AVEN: variants seen among roughly 807,000 people sequenced by gnomAD.
AVEN encodes the protein cell death regulator Aven.
A neutral mutation model predicts 38.1 loss-of-function variants in AVEN; 41 were observed. The observed-to-expected ratio is 1.08, with a 90% CI of 0.84 to 1.40. The LOEUF (loss-of-function observed/expected upper bound fraction) is 1.40, where lower values mean the gene tolerates loss of function less well. Among genes scored for constraint, AVEN ranks in the 40% most tolerant of loss-of-function variants. The probability of loss-of-function intolerance (pLI) is 0.00; values close to 1 mark genes in which losing one functional copy is unlikely to be tolerated. For missense variants in AVEN, 605 were observed against 438.8 expected, an observed-to-expected ratio of 1.38 and a Z score of -3.38; for synonymous variants, 206 against 171.8, an observed-to-expected ratio of 1.20 and a Z score of -1.56.
At chr15:33,940,757 G>T (rs1371465849) in intron 2 of AVEN, among the ~76,000 whole-genome samples, 1 of 152,088 alleles carries the variant, frequency 6.6e-6, no homozygotes, top group Non-Finnish European at 1.5e-5. Context: ...GGCCAGGCTG[G>T]TCTCAAACTC....
At chr15:33,975,590 T>A (rs970402094) in intron 2 of AVEN, among the ~76,000 whole-genome samples, 1 of 152,212 alleles carries the variant, frequency 6.6e-6, no homozygotes, top group Non-Finnish European at 1.5e-5. Context: ...GAATTTGTCA[T>A]AATAGAACTC....
intron 1 of AVEN, among the ~76,000 whole-genome samples, chr15:34,021,686 C>T (rs1354847075): frequency 6.6e-6 from 1 of 151,960 alleles, no homozygotes; most frequent in East Asian, 1.9e-4. Context: ...GAAACCCCGT[C>T]TCTACTAAAA....
intron 2 of AVEN, among the ~76,000 whole-genome samples, chr15:33,998,494 T>G (rs1006782001): frequency 1.3e-5 from 2 of 152,078 alleles, no homozygotes. Context: ...AATTAAAAAG[T>G]CTTGACTCAC....
At chr15:33,911,929 T>C (rs2153045577) in intron 2 of AVEN, among the ~76,000 whole-genome samples, 1 of 152,294 alleles carries the variant, frequency 6.6e-6, no homozygotes, top group South Asian at 2.1e-4. Context: ...CAGTTCACTA[T>C]TTTTATGTTG....
intron 2 of AVEN, among the ~76,000 whole-genome samples, chr15:33,908,248 A>ATTCTCTCTCACCCCGAACCCT (rs1597218959): frequency 0.07 from 2,867 of 40,738 alleles, 866 homozygotes; most frequent in Middle Eastern, 0.14. Flanking sequence ...ACACATAACC[A>ATTCTCTCTCACCCCGAACCCT]GGATTCTTTT....
chr15:33,953,169 C>A (rs1894817613), intron 2 of AVEN, among the ~76,000 whole-genome samples: 1 of 152,130 alleles, frequency 6.6e-6, no homozygotes, highest in Non-Finnish European at 1.5e-5. Flanking sequence ...ATTCCATGCT[C>A]ATGGATAGGA....
At chr15:33,994,791 A>G (rs1457455649) in intron 2 of AVEN, among the ~76,000 whole-genome samples, 2 of 152,190 alleles carry the variant, frequency 1.3e-5, no homozygotes, top group Non-Finnish European at 2.9e-5. Context: ...TTGAAGTTCT[A>G]TATTCTCTAC....
At chr15:34,002,913 A>T in intron 2 of AVEN, 119 bp downstream of exon 2, 1 of 995,288 alleles carries the variant, frequency 1.0e-6, no homozygotes, top group Non-Finnish European at 1.4e-6. Context: ...TACTTGAATT[A>T]AAAATCCAAA....
intron 5 of AVEN, among the ~76,000 whole-genome samples, chr15:34,054,183 T>C (rs577616236): frequency 1.1e-4 from 16 of 152,252 alleles, no homozygotes; most frequent in African/African-American, 3.6e-4. Flanking sequence ...AAACAACAGA[T>C]GCTGGCAAGG....
chr15:33,871,788 A>AAAAAAAAAAAAAAAAAAAC (rs1890965489), intron 3 of AVEN, among the ~76,000 whole-genome samples: 1 of 151,924 alleles, frequency 6.6e-6, no homozygotes, highest in Non-Finnish European at 1.5e-5. Context: ...AAAAAAAAAA[A>AAAAAAAAAAAAAAAAAAAC]AAAGCCACTT....
intron 4 of AVEN, among the ~76,000 whole-genome samples, chr15:33,869,893 C>A (rs942236492): frequency 3.3e-5 from 5 of 151,800 alleles, no homozygotes; most frequent in Admixed American, 6.6e-5. Flanking sequence ...GGGCCTCCCC[C>A]TCTCTTAGTT....
intron 2 of AVEN, among the ~76,000 whole-genome samples, chr15:34,068,959 C>T (rs1251851583): frequency 6.6e-6 from 1 of 151,886 alleles, no homozygotes; most frequent in Non-Finnish European, 1.5e-5. Context: ...CTACAGGCGC[C>T]TGCCACCACG....
chr15:34,000,231 C>A (rs1246210259), intron 2 of AVEN, among the ~76,000 whole-genome samples: 1 of 152,204 alleles, frequency 6.6e-6, no homozygotes, highest in East Asian at 1.9e-4. Flanking sequence ...TAGCATTTAA[C>A]ATTTTATATA....
chr15:34,007,405 T>G (rs1214473541), intron 1 of AVEN, among the ~76,000 whole-genome samples: 1 of 152,220 alleles, frequency 6.6e-6, no homozygotes, highest in Non-Finnish European at 1.5e-5. Flanking sequence ...ATTAGAACTG[T>G]ACAGAACATA....
chr15:33,974,409 T>A (rs2140504682), intron 2 of AVEN, among the ~76,000 whole-genome samples: 1 of 152,356 alleles, frequency 6.6e-6, no homozygotes, highest in Middle Eastern at 3.4e-3. Context: ...CCAAGTCATC[T>A]CTTCTCCTTA....
chr15:33,928,193 C>A (rs1893702844), intron 2 of AVEN, among the ~76,000 whole-genome samples: 1 of 152,172 alleles, frequency 6.6e-6, no homozygotes, highest in African/African-American at 2.4e-5. Flanking sequence ...AAGAATGTTA[C>A]ATAAAACTCA....
chr15:33,867,860 AAG>A lies in AVEN; in HGVS notation c.613-7_613-6del. ...AACCTCTAAAGGAACTGTACCCTGA[AAG>A]AGAAGTATAAAAACTGAGTTAAAAA... On this transcript the variant is annotated splice_region_variant and splice_polypyrimidine_tract_variant and intron_variant, in intron 4 of 5. Coordinates refer to ENST00000306730, the MANE Select transcript of AVEN (RefSeq NM_020371.3). The A allele has an allele frequency of 6.4e-7, 1 of 1,556,602 alleles. No individual in the cohort carries two copies. Among genetic ancestry groups the A allele is most frequent in the Non-Finnish European group, 8.6e-7 (1 of 1,157,198 alleles).
chr15:34,007,517 T>G (rs1264059589), intron 1 of AVEN, among the ~76,000 whole-genome samples: 3 of 152,196 alleles, frequency 2.0e-5, no homozygotes, highest in African/African-American at 7.2e-5. Flanking sequence ...AGAGTCGCCT[T>G]TAATGTCCAT....
chr15:34,013,728 C>G (rs1392906213), intron 1 of AVEN, among the ~76,000 whole-genome samples: 1 of 152,170 alleles, frequency 6.6e-6, no homozygotes, highest in Non-Finnish European at 1.5e-5. Context: ...ACAGAAAAAA[C>G]ATCACCAATG....
Sources: gnomAD v4.1 joint callset for allele counts (sites outside exome capture counted in the v4.1 genomes callset) on GRCh38, gnomAD v4.1.1 for gene constraint, MANE v1.5 for transcripts, NCBI Gene and HGNC (gene_info 2026-07-23, HGNC 2026-07-21) for gene names.